MYO7B: variants seen among roughly 807,000 people sequenced by gnomAD.
MYO7B encodes myosin VIIB.
A neutral mutation model predicts 259.7 loss-of-function variants in MYO7B; 212 were observed. The ratio of observed to expected loss-of-function variants is 0.82; its 90% CI spans 0.73 to 0.91. The LOEUF (loss-of-function observed/expected upper bound fraction) is 0.91. Ranked by LOEUF, MYO7B falls within the 40% of genes least tolerant of loss-of-function variation. The pLI, the probability that MYO7B is intolerant of heterozygous loss-of-function variation, is 0.00. For missense variants in MYO7B, 2,732 were observed against 2,813.5 expected (o/e 0.97, Z 0.66); for synonymous variants, 1,197 against 1,166.4 (o/e 1.03, Z -0.54).
At chr2:127,598,086 T>C (rs971633801) in intron 19 of MYO7B, among the ~76,000 whole-genome samples, 1 of 152,252 alleles carries the variant, frequency 6.6e-6, no homozygotes, top group Non-Finnish European at 1.5e-5. Flanking sequence ...TATGAGGTTT[T>C]TGTGAGAACA....
At chr2:127,565,186 TG>T (rs1007028083) in intron 3 of MYO7B, 46 bp from the exon 4 acceptor site, 3 of 1,584,104 alleles carry the variant, frequency 1.9e-6, no homozygotes, top group Non-Finnish European at 2.6e-6. Context: ...AGGCTGGCCA[TG>T]GGGATGGAGG....
chr2:127,636,559 T>C lies in MYO7B; in HGVS notation c.6138T>C (p.Pro2046=). The C allele has an allele frequency of 3.1e-6, 5 of 1,611,796 alleles. No homozygotes were observed. Among genetic ancestry groups the C allele is most frequent in the Non-Finnish European group, 4.2e-6 (5 of 1,179,050 alleles). The change falls in exon 46 of 48, where the codon CCT becomes CCC. Residue 2046 remains proline (P), a synonymous_variant. Coordinates refer to ENST00000409816, the MANE Select transcript of MYO7B (RefSeq NM_001393586.1). This position sits in a 1 kb window ranked among gnomAD's most constrained non-coding sequence, Gnocchi z 4.5. ...CTCCCTCCCAGCAAACCTCGGAGCC[T>C]TCCTACCCGGACGTCATCCTCATCG... The part of the protein sequence containing the change: ...AFFEVKQTSE[P]SYPDVILIAI...
At position 127,564,210 on chromosome 2, in the gene MYO7B, G is replaced by A. The variant is rs1678231604; in HGVS notation, c.76G>A (p.Gly26Ser). The A allele has an allele frequency of 3.2e-6, 5 of 1,580,840 alleles. No individual in the cohort carries two copies. Among genetic ancestry groups the A allele is most frequent in the Non-Finnish European group, 4.3e-6 (5 of 1,163,780 alleles). Residue 26 changes from glycine to serine, a missense_variant, in exon 3 of 48, where the codon GGC becomes AGC. Gly to Ser is a moderately conservative substitution (Grantham distance 56, BLOSUM62 0). Coordinates refer to ENST00000409816, the MANE Select transcript of MYO7B (RefSeq NM_001393586.1). ...CCACAAGACCGGCGTGGCCATCGGG[G>A]GCATCATCAAAGAGGCAAAGCCAGG... ...STHKTGVAIGGIIKEAKPGKV... is the reference protein window; with the variant it reads ...STHKTGVAIGSIIKEAKPGKV...
At chr2:127,612,684 C>G in intron 26 of MYO7B, 81 bp downstream of exon 26, 1 of 1,539,894 alleles carries the variant, frequency 6.5e-7, no homozygotes, top group East Asian at 2.4e-5. Context: ...ACAGCCTCCC[C>G]CACCACCCCT....
intron 1 of MYO7B, among the ~76,000 whole-genome samples, chr2:127,545,348 G>A (rs1220841561): frequency 6.6e-6 from 1 of 152,210 alleles, no homozygotes; most frequent in Non-Finnish European, 1.5e-5. Flanking sequence ...GCCACACACA[G>A]CAGCGGGCCT....
intron 2 of MYO7B, among the ~76,000 whole-genome samples, chr2:127,562,482 GTTTTTTTT>G (rs56290548): frequency 4.9e-5 from 3 of 61,190 alleles, no homozygotes; most frequent in South Asian, 8.3e-4. Context: ...GGGTTTTATT[GTTTTTTTT>G]TTTTTTTTTT....
At position 127,573,984 on chromosome 2, in the gene MYO7B, C is replaced by T. The variant is rs2104906656; in HGVS notation, c.657C>T (p.Ile219=). 1.2e-6 allele frequency: 2 copies of T among 1,614,064 alleles called. No individual in the cohort carries two copies. Among genetic ancestry groups the T allele is most frequent in the Non-Finnish European group, 1.7e-6 (2 of 1,179,902 alleles). ...NSSRFGKYID[I]YFNPSGVIEG... Reference sequence around the variant, plus strand: ...GCCGCTTTGGGAAGTACATTGACATCTACTTTAACCCCAGCGGGGTGATCG... The same window carrying T: ...GCCGCTTTGGGAAGTACATTGACATTTACTTTAACCCCAGCGGGGTGATCG... The change falls in exon 7 of 48, where the codon ATC becomes ATT. Residue 219 remains isoleucine (I), a synonymous_variant. Transcript: ENST00000409816.
chr2:127,634,159 G>T lies in MYO7B; in HGVS notation c.5512-17G>T. ...CCTAGCCAGGCCCCGGGCCTCACCAGCTGCCTCTCTGTCCAGATGCTGGAG... is the reference window on the plus strand; with the variant it reads ...CCTAGCCAGGCCCCGGGCCTCACCATCTGCCTCTCTGTCCAGATGCTGGAG... On this transcript the variant is annotated splice_polypyrimidine_tract_variant and intron_variant, in intron 40 of 47. Transcript: ENST00000409816. The T allele has an allele frequency of 6.3e-7, 1 of 1,583,980 alleles. No homozygotes were observed. Among genetic ancestry groups the T allele is most frequent in the Non-Finnish European group, 8.6e-7 (1 of 1,165,060 alleles).
At chr2:127,564,919 C>A (rs575584754) in intron 3 of MYO7B, among the ~76,000 whole-genome samples, 1 of 152,356 alleles carries the variant, frequency 6.6e-6, no homozygotes, top group African/African-American at 2.4e-5. Flanking sequence ...CCAGCTGCAA[C>A]CTGACCCTAA....
intron 15 of MYO7B, among the ~76,000 whole-genome samples, chr2:127,589,217 G>T (rs1285668824): frequency 7.5e-5 from 11 of 147,544 alleles, no homozygotes; most frequent in Admixed American, 7.4e-4. Flanking sequence ...ATGGGTGAGT[G>T]GGTGGATGGA....
intron 37 of MYO7B, 39 bp from the exon 38 acceptor site, chr2:127,631,561 G>T: frequency 6.2e-7 from 1 of 1,604,228 alleles, no homozygotes; most frequent in Non-Finnish European, 8.5e-7. Context: ...CTGTGTCAGC[G>T]TGGGGCTGCC....
At position 127,635,416 on chromosome 2, in the gene MYO7B, G is replaced by A. The variant is rs1284105521; in HGVS notation, c.5820+190G>A. ...GAGGGCAGCAATGTTTGGGGACAGT[G>A]ACTGCACTGGCACCTGCAGCATGAC... On this transcript the variant is annotated intron_variant, in intron 43 of 47. Transcript: ENST00000409816. 7 of 635,738 alleles carry A rather than the reference G, an allele frequency of 1.1e-5. No individual in the cohort carries two copies. In the Admixed American group the frequency reaches 1.4e-4, roughly 13 times the overall value. The allele number at this position is 635,738 out of a possible 1,614,324, so 39.4% of individuals were successfully genotyped here. A position where few individuals can be genotyped will look rare whatever the true frequency, so the allele number is the denominator to read the frequency against.
In MYO7B at chr2:127,539,121, A is replaced by G. The variant is rs183581585; in HGVS notation, c.-24+3290A>G. ...AGGGCAGTGGTTCATGCACAAGTATATGTATCTGTCAATTTCTCTTTCATC... is the reference window on the plus strand; with the variant it reads ...AGGGCAGTGGTTCATGCACAAGTATGTGTATCTGTCAATTTCTCTTTCATC... On this transcript the variant is annotated intron_variant, in intron 1 of 47. Transcript: ENST00000409816. The surrounding 1 kb of genome is among the most constrained non-coding windows in gnomAD (Gnocchi z 4.0). 1.3e-5 allele frequency among the ~76,000 whole-genome samples: 2 copies of G among 152,298 alleles called. No individual in the cohort carries two copies. The highest frequency in any genetic ancestry group is 1.3e-4 in the Admixed American group (2 of 15,292).
intron 10 of MYO7B, among the ~76,000 whole-genome samples, chr2:127,581,444 C>A (rs1465299450): frequency 6.6e-6 from 1 of 152,212 alleles, no homozygotes; most frequent in African/African-American, 2.4e-5. Context: ...AGCAAGCAAT[C>A]ACATTAGGTA....
chr2:127,635,881 C>T lies in MYO7B; in HGVS notation c.5980C>T (p.Leu1994=), dbSNP rs770667664. ...ACTGGTGCCTGAGAACCTCACACGCCTGATGTCCTCGGAGGAGTGGAAAAA... is the reference window on the plus strand; with the variant it reads ...ACTGGTGCCTGAGAACCTCACACGCTTGATGTCCTCGGAGGAGTGGAAAAA... ...RELVPENLTR[L]MSSEEWKKSI... The change falls in exon 44 of 48, where the codon CTG becomes TTG. Residue 1994 remains leucine, a synonymous_variant. Coordinates refer to ENST00000409816, the MANE Select transcript of MYO7B (RefSeq NM_001393586.1). The T allele has an allele frequency of 5.9e-5, 93 of 1,578,702 alleles. 1 individual carries two copies. The East Asian group carries it at 2.2e-3, about 37-fold the overall frequency.
intron 2 of MYO7B, among the ~76,000 whole-genome samples, chr2:127,562,145 T>G (rs1031468464): frequency 1.2e-4 from 18 of 152,140 alleles, no homozygotes; most frequent in African/African-American, 4.1e-4. Flanking sequence ...ATTACCTCCT[T>G]GAAGGCCTTA....
rs1042953996 is a variant in MYO7B at position 127,609,097 on chromosome 2, A to G, written c.2814+219A>G. On this transcript the variant is annotated intron_variant, in intron 22 of 47. Transcript: ENST00000409816. This position sits in a 1 kb window ranked among gnomAD's most constrained non-coding sequence, Gnocchi z 6.9. ...GCTTCCCACCTGCAAGACTTCCTGGAGCCTTCTCTACCAATGCTGCCGGGC... is the reference window on the plus strand; with the variant it reads ...GCTTCCCACCTGCAAGACTTCCTGGGGCCTTCTCTACCAATGCTGCCGGGC... Among the ~76,000 whole-genome samples the G allele has an allele frequency of 6.6e-6, 1 of 152,166 alleles. No individual in the cohort carries two copies.
At position 127,588,382 on chromosome 2, in the gene MYO7B, G is replaced by T. The variant is rs1679384653; in HGVS notation, c.1691-10G>T. 2 of 1,611,908 alleles carry T rather than the reference G, an allele frequency of 1.2e-6. No individual in the cohort carries two copies. Among genetic ancestry groups the T allele is most frequent in the Non-Finnish European group, 1.7e-6 (2 of 1,179,494 alleles). On this transcript the variant is annotated splice_polypyrimidine_tract_variant and intron_variant, in intron 14 of 47. Coordinates refer to ENST00000409816, the MANE Select transcript of MYO7B (RefSeq NM_001393586.1). ...AGCTGGGATGCTGGGTGGGCCCTGTGTCTCCACAGGCTTCCTGGAGAAGAA... is the reference window on the plus strand; with the variant it reads ...AGCTGGGATGCTGGGTGGGCCCTGTTTCTCCACAGGCTTCCTGGAGAAGAA...
intron 41 of MYO7B, 52 bp from the exon 42 acceptor site, chr2:127,634,541 CAGG>C (rs1681692753): frequency 1.3e-6 from 2 of 1,495,750 alleles, no homozygotes; most frequent in Non-Finnish European, 1.8e-6. Flanking sequence ...AGCAGGTTCT[CAGG>C]AGGACAGTCC....
Sources: gnomAD v4.1 joint callset for allele counts (sites outside exome capture counted in the v4.1 genomes callset) on GRCh38, gnomAD v4.1.1 for gene constraint, Gnocchi (gnomAD v3.1) non-coding constraint, MANE v1.5 for transcripts, NCBI Gene and HGNC (gene_info 2026-07-23, HGNC 2026-07-21) for gene names.